The following CFAP43 variants were observed in gnomAD, a reference collection of about 807,000 sequenced individuals.
The protein encoded by CFAP43 is cilia and flagella associated protein 43, also known as cilia- and flagella-associated protein 43.
A neutral mutation model predicts 218.9 loss-of-function variants in CFAP43; 155 were observed. That is an observed-to-expected ratio of 0.71 (90% confidence interval 0.62 to 0.81). The LOEUF is 0.81. Ranked by LOEUF, CFAP43 falls within the 30% of genes least tolerant of loss-of-function variation. The pLI, the probability that CFAP43 is intolerant of heterozygous loss-of-function variation, is 0.00. For missense variants in CFAP43, 1,778 were observed against 1,954.3 expected, an observed-to-expected ratio of 0.91 and a Z score of 1.70; for synonymous variants, 645 against 681.3, an observed-to-expected ratio of 0.95 and a Z score of 0.83.
At position 104,141,009 on chromosome 10, in the gene CFAP43, GA is replaced by G; in HGVS notation, c.4272-9del. The stretch of plus-strand genomic sequence containing the variant: ...ACTTTCTCTTCCTGTAATCTGAATT[GA>G]AAAGTACTTCAAAGCAAGTAGTTGT... On this transcript the variant is annotated splice_polypyrimidine_tract_variant and intron_variant, in intron 33 of 37. Coordinates refer to ENST00000357060, the MANE Select transcript of CFAP43 (RefSeq NM_025145.7). The G allele has an allele frequency of 6.2e-7, 1 of 1,603,660 alleles. No homozygotes were observed. Among genetic ancestry groups the G allele is most frequent in the Non-Finnish European group, 8.5e-7 (1 of 1,175,804 alleles).
chr10:104,183,501 T>A (rs2089924966), intron 16 of CFAP43, among the ~76,000 whole-genome samples: 1 of 151,526 alleles, frequency 6.6e-6, no homozygotes, highest in Non-Finnish European at 1.5e-5. Context: ...GCCATTCTCC[T>A]GCCTCAGCCT....
intron 9 of CFAP43, among the ~76,000 whole-genome samples, chr10:104,197,172 AT>A (rs1388171108): frequency 2.0e-5 from 3 of 152,210 alleles, no homozygotes; most frequent in Non-Finnish European, 4.4e-5. Flanking sequence ...TAAAATAAAG[AT>A]TTTTCATGTA....
In CFAP43 at chr10:104,185,092, T is replaced by G; in HGVS notation, c.2065A>C (p.Met689Leu). The G allele has an allele frequency of 6.2e-7, 1 of 1,614,190 alleles. No individual in the cohort carries two copies. The highest frequency in any genetic ancestry group is 8.5e-7 in the Non-Finnish European group (1 of 1,180,036). ...TTTTGTCCATCCATTGAAATTCTCA[T>G]TGACTGAATCCCATGACCCTGGTGA... ...HSHQGHGIQS[M>L]RISMDGQNIL... is the part of the protein sequence containing the mutation. The change falls in exon 16 of 38, where the codon ATG becomes CTG. Residue 689 changes from methionine to leucine, a missense_variant. Met to Leu is a conservative substitution (Grantham distance 15). Transcript: ENST00000357060.
intron 3 of CFAP43, among the ~76,000 whole-genome samples, chr10:104,218,346 T>TAA (rs2091078022): frequency 1.9e-5 from 1 of 51,486 alleles, no homozygotes; most frequent in African/African-American, 8.2e-5. Flanking sequence ...AGACTGTGTC[T>TAA]CAAAAAAAAA....
At chr10:104,175,394 T>C (rs763496688) in intron 19 of CFAP43, among the ~76,000 whole-genome samples, 18 of 152,182 alleles carry the variant, frequency 1.2e-4, no homozygotes, top group Admixed American at 1.3e-4. Context: ...CACTGCACTC[T>C]AGCCTGGGTT....
At chr10:104,131,950 T>TG (rs1345615655) in intron 36 of CFAP43, among the ~76,000 whole-genome samples, 166 bp downstream of exon 36, 12 of 152,226 alleles carry the variant, frequency 7.9e-5, no homozygotes, top group Non-Finnish European at 1.8e-4. Flanking sequence ...TTTCATTAGT[T>TG]GCGGTTGCAA....
intron 29 of CFAP43, among the ~76,000 whole-genome samples, chr10:104,146,737 C>A (rs1000263672): frequency 1.3e-5 from 2 of 152,164 alleles, no homozygotes; most frequent in South Asian, 2.1e-4. Context: ...ACAACCTCTA[C>A]AATCATCAGC....
chr10:104,159,963 T>C (rs532842042), intron 27 of CFAP43, among the ~76,000 whole-genome samples: 2 of 152,308 alleles, frequency 1.3e-5, no homozygotes, highest in East Asian at 1.9e-4. Flanking sequence ...TGGAGTAGCA[T>C]TGCGGACCAG....
chr10:104,174,367 C>T (rs1036309148), intron 19 of CFAP43, among the ~76,000 whole-genome samples: 5 of 152,196 alleles, frequency 3.3e-5, no homozygotes, highest in African/African-American at 1.2e-4. Flanking sequence ...TGGCAGCAGA[C>T]AAGAGAAGAG....
intron 35 of CFAP43, 90 bp from the exon 36 acceptor site, chr10:104,132,286 T>G (rs1182821542): frequency 1.0e-6 from 1 of 979,986 alleles, no homozygotes; most frequent in African/African-American, 1.7e-5. Flanking sequence ...AAAGTTACTG[T>G]TTTTCATAAC....
chr10:104,159,943 A>G (rs1043466290), intron 27 of CFAP43, among the ~76,000 whole-genome samples: 11 of 152,176 alleles, frequency 7.2e-5, no homozygotes, highest in Admixed American at 2.0e-4. Flanking sequence ...GCACTTGGCT[A>G]GGGGAAAAAT....
At chr10:104,184,919 C>T in intron 16 of CFAP43, 97 bp downstream of exon 16, 1 of 1,510,590 alleles carries the variant, frequency 6.6e-7, no homozygotes, top group Non-Finnish European at 8.8e-7. Flanking sequence ...TGGCAGTGGT[C>T]TCCCAGCACG....
intron 18 of CFAP43, 75 bp from the exon 19 acceptor site, chr10:104,179,181 G>C: frequency 3.8e-5 from 41 of 1,080,954 alleles, no homozygotes; most frequent in Non-Finnish European, 5.3e-5. Context: ...GAGAGAGAGA[G>C]CAATTCTCTA....
At chr10:104,155,742 A>G (rs1375015058) in intron 27 of CFAP43, among the ~76,000 whole-genome samples, 2 of 152,136 alleles carry the variant, frequency 1.3e-5, no homozygotes, top group East Asian at 3.9e-4. Flanking sequence ...AAGGGGGAAG[A>G]GCGCTCCAGG....
In CFAP43 at chr10:104,179,040, G is replaced by A. The variant is rs1467584482; in HGVS notation, c.2449C>T (p.Leu817Phe). Residue 817 changes from leucine (L) to phenylalanine (F), a missense_variant, in exon 19 of 38, where the codon CTT (leucine) becomes TTT (phenylalanine). Transcript: ENST00000357060. The stretch of plus-strand genomic sequence containing the variant: ...ATTACAACACTTACAGTTTTGGAAA[G>A]TGATTTGATTCCTTGTTTTATCTCT... ...RKEIKQGIKSLSKTILNMMEE... is the reference protein window; with the variant it reads ...RKEIKQGIKSFSKTILNMMEE... 3 of 1,612,260 alleles carry A rather than the reference G, an allele frequency of 1.9e-6. No individual in the cohort carries two copies. Among genetic ancestry groups the A allele is most frequent in the African/African-American group, 1.3e-5 (1 of 74,992 alleles).
At chr10:104,210,754 C>T (rs1213430903) in intron 5 of CFAP43, among the ~76,000 whole-genome samples, 1 of 148,778 alleles carries the variant, frequency 6.7e-6, no homozygotes, top group African/African-American at 2.5e-5. Flanking sequence ...TAGGGCCTTG[C>T]ACATGCAGGT....
intron 21 of CFAP43, among the ~76,000 whole-genome samples, chr10:104,168,438 T>C (rs2089274055): frequency 6.6e-6 from 1 of 152,124 alleles, no homozygotes. Context: ...CCTTTCAATC[T>C]GTGTGAAATG....
rs558652969 is a variant in CFAP43 at position 104,228,759 on chromosome 10, T to C, written c.319+1831A>G. On this transcript the variant is annotated intron_variant, in intron 2 of 37. Transcript: ENST00000357060. ...TAAGTATGTATATGTTCTAATTGTA[T>C]GGGTACTTATTTCAAAACCAGCATC... Among the ~76,000 whole-genome samples the C allele has an allele frequency of 3.5e-4, 53 of 152,336 alleles. 2 individuals carry two copies. In the South Asian group the frequency reaches 7.7e-3, roughly 22 times the overall value.
intron 2 of CFAP43, among the ~76,000 whole-genome samples, chr10:104,226,031 G>A (rs1173667625): frequency 6.6e-6 from 1 of 152,208 alleles, no homozygotes; most frequent in Non-Finnish European, 1.5e-5. Context: ...TATAAAAAGT[G>A]ACATACTCCT....
Sources: gnomAD v4.1 joint callset for allele counts (sites outside exome capture counted in the v4.1 genomes callset) on GRCh38, gnomAD v4.1.1 for gene constraint, MANE v1.5 for transcripts, NCBI Gene and HGNC (gene_info 2026-07-23, HGNC 2026-07-21) for gene names.